Variants in GRXCR1 observed in about 807,000 individuals in gnomAD.
GRXCR1 encodes glutaredoxin and cysteine rich domain containing 1, also known as glutaredoxin domain-containing cysteine-rich protein 1.
Under a neutral mutation model 27.3 loss-of-function variants are expected in GRXCR1, and 27 were observed. The observed-to-expected ratio is 0.99, with a 90% CI of 0.73 to 1.37. The LOEUF is 1.37. Ranked by LOEUF, GRXCR1 falls within the 40% of genes most tolerant of loss-of-function variation. The pLI is 0.00. For missense variants in GRXCR1, 379 were observed against 354.4 expected (o/e 1.07, Z -0.56); for synonymous variants, 122 against 131.1 (o/e 0.93, Z 0.47).
intron 1 of GRXCR1, among the ~76,000 whole-genome samples, chr4:42,920,572 A>G (rs1485464474): frequency 6.6e-6 from 1 of 152,138 alleles, no homozygotes; most frequent in Non-Finnish European, 1.5e-5. Context: ...CAAAGCAGCC[A>G]TTAGAAAGGT....
In GRXCR1 at chr4:42,964,181, T is replaced by G. The variant is rs186174196; in HGVS notation, c.627+1047T>G. On this transcript the variant is annotated intron_variant, in intron 2 of 3. Coordinates refer to ENST00000399770, the MANE Select transcript of GRXCR1 (RefSeq NM_001080476.3). ...GTATTGATCCTCTTTTTGTTGCATTTCAACATATATCCTTAGGTTGCAGAA... is the reference window on the plus strand; with the variant it reads ...GTATTGATCCTCTTTTTGTTGCATTGCAACATATATCCTTAGGTTGCAGAA... Among the ~76,000 whole-genome samples the G allele has an allele frequency of 5.3e-5, 8 of 152,088 alleles. No individual in the cohort carries two copies. The East Asian group carries it at 1.5e-3, about 29-fold the overall frequency.
rs1713399042 is a variant in GRXCR1, at chr4:43,030,638, A to C, written c.*98A>C. The C allele has an allele frequency of 4.2e-6, 4 of 957,682 alleles. No homozygotes were observed. Among genetic ancestry groups the C allele is most frequent in the Non-Finnish European group, 6.5e-6 (4 of 617,728 alleles). 59.3% of individuals were successfully genotyped at this position (957,682 alleles called of 1,614,324 possible). A position where few individuals can be genotyped will look rare whatever the true frequency, so the allele number is the denominator to read the frequency against. On this transcript the variant is annotated 3_prime_UTR_variant, in exon 4 of 4. Coordinates refer to ENST00000399770, the MANE Select transcript of GRXCR1 (RefSeq NM_001080476.3). ...AAATGGTTATGTTTATGGATTAATC[A>C]ATAAACTTTGTTTATTATAATTGTC...
chr4:43,004,529 T>A (rs1712490203), intron 2 of GRXCR1, among the ~76,000 whole-genome samples: 1 of 152,164 alleles, frequency 6.6e-6, no homozygotes, highest in African/African-American at 2.4e-5. Context: ...GCCCATGAAA[T>A]CATCTGTGGG....
chr4:42,968,160 T>C, intron 2 of GRXCR1, among the ~76,000 whole-genome samples: 1 of 152,102 alleles, frequency 6.6e-6, no homozygotes. Context: ...CTCTCAAGTC[T>C]GTTTCCTCAA....
At chr4:43,020,071 C>CTTAAA in intron 2 of GRXCR1, among the ~76,000 whole-genome samples, 1 of 152,192 alleles carries the variant, frequency 6.6e-6, no homozygotes, top group African/African-American at 2.4e-5. Flanking sequence ...AGTATGCTGG[C>CTTAAA]CCTTTCTGTA....
In GRXCR1 at chr4:42,987,262, A is replaced by ACTG. The variant is rs1711796220; in HGVS notation, c.627+24128_627+24129insCTG. Among the ~76,000 whole-genome samples, 4 of 74,178 alleles carry ACTG rather than the reference A, an allele frequency of 5.4e-5. 1 individual carries two copies. Among genetic ancestry groups the ACTG allele is most frequent in the Non-Finnish European group, 6.3e-5 (2 of 31,524 alleles). 48.7% of individuals were successfully genotyped at this position (74,178 alleles called of 152,430 possible). A position where few individuals can be genotyped will look rare whatever the true frequency, so the allele number is the denominator to read the frequency against. On this transcript the variant is annotated intron_variant, in intron 2 of 3. Transcript: ENST00000399770. ...ATATAATATATAATATATATATATA[A>ACTG]TATATATATATATATAGAGAGAGAG...
chr4:43,002,713 G>A (rs1712413990), intron 2 of GRXCR1, among the ~76,000 whole-genome samples: 1 of 150,862 alleles, frequency 6.6e-6, no homozygotes, highest in Non-Finnish European at 1.5e-5. Context: ...TCAATGCTAT[G>A]CTTTTTCCTT....
rs560800174 is a variant in GRXCR1, at chr4:42,946,228, A to T, written c.385-16664A>T. On this transcript the variant is annotated intron_variant, in intron 1 of 3. Transcript: ENST00000399770. ...TAGGAGGAAATTAGTCATCATCGTTATGTTAAAAATTGTTAATGAGACAGG... is the reference window on the plus strand; with the variant it reads ...TAGGAGGAAATTAGTCATCATCGTTTTGTTAAAAATTGTTAATGAGACAGG... Among the ~76,000 whole-genome samples the T allele has an allele frequency of 1.1e-4, 17 of 152,272 alleles. No homozygotes were observed. The South Asian group carries it at 3.5e-3, about 32-fold the overall frequency.
At chr4:42,919,574 A>G (rs759652353) in intron 1 of GRXCR1, among the ~76,000 whole-genome samples, 13 of 152,140 alleles carry the variant, frequency 8.5e-5, no homozygotes, top group Non-Finnish European at 1.9e-4. Flanking sequence ...TACTGCCTTC[A>G]GAGTTGAGGG....
chr4:43,009,867 ATATC>A (rs566537219), intron 2 of GRXCR1, among the ~76,000 whole-genome samples: 67 of 152,274 alleles, frequency 4.4e-4, no homozygotes, highest in African/African-American at 1.5e-3. Context: ...TATTTTCTAT[ATATC>A]TATCTATGTA....
At chr4:42,987,222 T>TTATATATAATA (rs1553943891) in intron 2 of GRXCR1, among the ~76,000 whole-genome samples, 3 of 100,594 alleles carry the variant, frequency 3.0e-5, no homozygotes, top group Admixed American at 1.3e-4. Flanking sequence ...TATATATATA[T>TTATATATAATA]TATATATTAT....
intron 1 of GRXCR1, among the ~76,000 whole-genome samples, chr4:42,949,279 C>A (rs1271098152): frequency 7.3e-6 from 1 of 137,640 alleles, no homozygotes; most frequent in Non-Finnish European, 1.5e-5. Flanking sequence ...TCAGGAGAAT[C>A]GCTTGAACCT....
intron 2 of GRXCR1, among the ~76,000 whole-genome samples, chr4:42,973,788 C>T (rs1189643868): frequency 6.6e-6 from 1 of 151,966 alleles, no homozygotes; most frequent in African/African-American, 2.4e-5. Context: ...TTATTTGATC[C>T]CCTTTCAATG....
intron 1 of GRXCR1, among the ~76,000 whole-genome samples, chr4:42,937,493 T>G (rs1229911812): frequency 6.6e-6 from 1 of 151,936 alleles, no homozygotes; most frequent in Admixed American, 6.6e-5. Flanking sequence ...ACCTCTCAGC[T>G]GACAGACCAA....
At chr4:42,914,853 C>T (rs1429311907) in intron 1 of GRXCR1, among the ~76,000 whole-genome samples, 1 of 152,104 alleles carries the variant, frequency 6.6e-6, no homozygotes, top group Non-Finnish European at 1.5e-5. Flanking sequence ...CCATGCTGTT[C>T]TCATGATAGT....
intron 1 of GRXCR1, among the ~76,000 whole-genome samples, chr4:42,941,159 A>AGTT (rs1160967782): frequency 6.6e-6 from 1 of 151,208 alleles, no homozygotes; most frequent in African/African-American, 2.4e-5. Context: ...TACCTCACTG[A>AGTT]GTTGTTGTGA....
intron 1 of GRXCR1, among the ~76,000 whole-genome samples, chr4:42,932,466 A>T (rs56025321): frequency 4.4e-5 from 3 of 67,952 alleles, no homozygotes; most frequent in Admixed American, 1.5e-4. Flanking sequence ...CCATCTCTTT[A>T]TCATGCAGCC....
chr4:43,007,342 AC>A (rs1712595489), intron 2 of GRXCR1, among the ~76,000 whole-genome samples: 1 of 152,194 alleles, frequency 6.6e-6, no homozygotes, highest in African/African-American at 2.4e-5. Flanking sequence ...TGAACATCAG[AC>A]AGAGATGGGG....
chr4:42,893,206 G>C lies in GRXCR1; in HGVS notation c.-61G>C. ...CTCTGATATTGCTATCTGGCAAGTGGACTAGTGCAGTAACAACGGGTCCAG... is the reference window on the plus strand; with the variant it reads ...CTCTGATATTGCTATCTGGCAAGTGCACTAGTGCAGTAACAACGGGTCCAG... On this transcript the variant is annotated 5_prime_UTR_variant, in exon 1 of 4. Transcript: ENST00000399770. 1 of 1,594,578 alleles carries C rather than the reference G, an allele frequency of 6.3e-7. No individual in the cohort carries two copies. Among genetic ancestry groups the C allele is most frequent in the Non-Finnish European group, 8.6e-7 (1 of 1,163,848 alleles).
Sources: gnomAD v4.1 joint callset for allele counts (sites outside exome capture counted in the v4.1 genomes callset) on GRCh38, gnomAD v4.1.1 for gene constraint, MANE v1.5 for transcripts, NCBI Gene and HGNC (gene_info 2026-07-23, HGNC 2026-07-21) for gene names.